The following BTBD9 variants were observed in gnomAD, a reference collection of about 807,000 sequenced individuals.
BTBD9 encodes BTB domain containing 9.
BTBD9 carries 49 observed loss-of-function variants against 64.3 expected under a neutral mutation model. The observed-to-expected ratio is 0.76, with a 90% CI of 0.61 to 0.97. The LOEUF (loss-of-function observed/expected upper bound fraction) is 0.97, where lower values mean the gene tolerates loss of function less well. BTBD9 is among the 50% of genes least tolerant of loss of function. The pLI is 0.00. For synonymous variants in BTBD9, 260 were observed against 274.7 expected, an observed-to-expected ratio of 0.95 and a Z score of 0.53; for missense variants, 598 against 762.1, an observed-to-expected ratio of 0.78 and a Z score of 2.53.
At chr6:38,515,000 C>T (rs1582558722) in intron 6 of BTBD9, among the ~76,000 whole-genome samples, 1 of 152,040 alleles carries the variant, frequency 6.6e-6, no homozygotes, top group African/African-American at 2.4e-5. Flanking sequence ...TTCAATTTTT[C>T]ATATAATTTT....
rs549923894 is a variant in BTBD9, at chr6:38,275,235, C to G, written c.1454+13037G>C. On this transcript the variant is annotated intron_variant, in intron 8 of 10. Coordinates refer to ENST00000481247, the MANE Select transcript of BTBD9 (RefSeq NM_001099272.2). ...TGATCTTTGACAAACCTGACAAAAA[C>G]AAGCAATGGGGAAAGGATTCCCTAT... 2.3e-4 allele frequency among the ~76,000 whole-genome samples: 35 copies of G among 151,962 alleles called. No individual in the cohort carries two copies. In the East Asian group the frequency reaches 6.4e-3, roughly 28 times the overall value.
At chr6:38,368,433 C>A (rs1422620646) in intron 6 of BTBD9, among the ~76,000 whole-genome samples, 1 of 152,076 alleles carries the variant, frequency 6.6e-6, no homozygotes, top group Non-Finnish European at 1.5e-5. Flanking sequence ...CTCACGGGTT[C>A]AAGCGATTCT....
chr6:38,408,700 G>C (rs931833833), intron 6 of BTBD9, among the ~76,000 whole-genome samples: 6 of 152,094 alleles, frequency 3.9e-5, no homozygotes, highest in Admixed American at 1.3e-4. Context: ...AACAAAAAAA[G>C]AATATATGCA....
chr6:38,580,461 A>G lies in BTBD9; in HGVS notation c.815-24T>C, dbSNP rs772292971. ...TACTACAGTTAAAAATAGAAAAAGCAAGGTTAATGATTACTTATTTATTCT... is the reference window on the plus strand; with the variant it reads ...TACTACAGTTAAAAATAGAAAAAGCGAGGTTAATGATTACTTATTTATTCT... On this transcript the variant is annotated intron_variant, in intron 4 of 10. Coordinates refer to ENST00000481247, the MANE Select transcript of BTBD9 (RefSeq NM_001099272.2). 1.7e-5 allele frequency: 27 copies of G among 1,570,410 alleles called. No individual in the cohort carries two copies. The Middle Eastern group carries it at 6.7e-4, about 39-fold the overall frequency.
rs150677135 is a variant in BTBD9 at position 38,382,794 on chromosome 6, C to T, written c.1155-37701G>A. 4.5e-4 allele frequency among the ~76,000 whole-genome samples: 69 copies of T among 152,048 alleles called. 1 individual carries two copies. Among genetic ancestry groups the T allele is most frequent in the Admixed American group, 2.1e-3 (32 of 15,266 alleles). On this transcript the variant is annotated intron_variant, in intron 6 of 10. Transcript: ENST00000481247. The stretch of plus-strand genomic sequence containing the variant: ...ATAAATAACTTTAAGTCAATAAATT[C>T]GAAACCTTAGTTGAAATGGACAAAT...
At chr6:38,269,863 T>C (rs1458745156) in intron 8 of BTBD9, among the ~76,000 whole-genome samples, 3 of 152,166 alleles carry the variant, frequency 2.0e-5, no homozygotes, top group African/African-American at 7.2e-5. Context: ...GGTGCCGACA[T>C]GAATATTCAC....
chr6:38,596,454 T>C (rs1320682888), intron 2 of BTBD9, among the ~76,000 whole-genome samples: 2 of 152,146 alleles, frequency 1.3e-5, no homozygotes, highest in African/African-American at 4.8e-5. Context: ...GAGGACAAGG[T>C]ACACTGTACT....
At chr6:38,187,882 C>T (rs1761885841) in intron 10 of BTBD9, among the ~76,000 whole-genome samples, 1 of 152,176 alleles carries the variant, frequency 6.6e-6, no homozygotes, top group Non-Finnish European at 1.5e-5. Context: ...GGATGGAATG[C>T]CGCAGGAAAT....
chr6:38,209,676 G>A (rs1227717056), intron 9 of BTBD9, among the ~76,000 whole-genome samples: 2 of 152,170 alleles, frequency 1.3e-5, no homozygotes, highest in South Asian at 2.1e-4. Context: ...TGGCCAAGGC[G>A]GGCCCCTTGC....
chr6:38,196,562 G>A (rs1762279747), intron 9 of BTBD9, among the ~76,000 whole-genome samples: 1 of 152,232 alleles, frequency 6.6e-6, no homozygotes, highest in Non-Finnish European at 1.5e-5. Context: ...CAGACAAGCA[G>A]CTGGGCTTTG....
At chr6:38,359,431 T>C (rs1415162529) in intron 6 of BTBD9, among the ~76,000 whole-genome samples, 8 of 152,242 alleles carry the variant, frequency 5.3e-5, no homozygotes, top group African/African-American at 1.9e-4. Context: ...TGTGTCATTC[T>C]GAGTTCTCCC....
At chr6:38,373,285 T>G (rs1014131762) in intron 6 of BTBD9, among the ~76,000 whole-genome samples, 5 of 152,256 alleles carry the variant, frequency 3.3e-5, no homozygotes, top group South Asian at 2.1e-4. Context: ...AGACTATTCA[T>G]GCCAGTCTGC....
At chr6:38,361,567 A>G (rs1284526110) in intron 6 of BTBD9, among the ~76,000 whole-genome samples, 1 of 148,262 alleles carries the variant, frequency 6.7e-6, no homozygotes, top group East Asian at 2.0e-4. Flanking sequence ...ACAGCTGGGC[A>G]TAGTGGCTCA....
chr6:38,460,018 A>T (rs554773287), intron 6 of BTBD9, among the ~76,000 whole-genome samples: 1 of 152,354 alleles, frequency 6.6e-6, no homozygotes, highest in South Asian at 2.1e-4. Flanking sequence ...TTATGATATA[A>T]ATTTCAATTA....
Position 38,598,068 on chromosome 6 carries a change from G to A in BTBD9, c.27C>T (p.Pro9=), listed in dbSNP as rs756514966. The A allele has an allele frequency of 8.7e-6, 14 of 1,613,602 alleles. No individual in the cohort carries two copies. The highest frequency in any genetic ancestry group is 1.2e-5 in the Non-Finnish European group (14 of 1,179,804). Reference sequence around the variant, plus strand: ...GATCAATTTCCCCCACTGCAGTAAAGGGGCGAAGAGGGTGGCTGTTACTCA... The same window carrying A: ...GATCAATTTCCCCCACTGCAGTAAAAGGGCGAAGAGGGTGGCTGTTACTCA... The part of the protein sequence containing the change: MSNSHPLR[P]FTAVGEIDHV... Residue 9 remains proline, a synonymous_variant, in exon 2 of 11, where the codon CCC becomes CCT. Coordinates refer to ENST00000481247, the MANE Select transcript of BTBD9 (RefSeq NM_001099272.2).
chr6:38,531,948 A>G (rs1014565360), intron 6 of BTBD9, among the ~76,000 whole-genome samples: 1 of 152,204 alleles, frequency 6.6e-6, no homozygotes, highest in African/African-American at 2.4e-5. Flanking sequence ...TTTAACAACT[A>G]TCTACACAGA....
Position 38,263,378 on chromosome 6 carries a change from G to GT in BTBD9, c.1455-6863dup, listed in dbSNP as rs959058196. Among the ~76,000 whole-genome samples the GT allele has an allele frequency of 7.9e-5, 12 of 152,144 alleles. 1 individual carries two copies. The highest frequency in any genetic ancestry group is 6.5e-5 in the Admixed American group (1 of 15,268). ...ATATTCTGTTATAGCATATGCAGAG[G>GT]TTTTTTTGGTATGTCTGTACATTAC... On this transcript the variant is annotated intron_variant, in intron 8 of 10. Coordinates refer to ENST00000481247, the MANE Select transcript of BTBD9 (RefSeq NM_001099272.2).
chr6:38,246,416 A>G (rs1764204191), intron 9 of BTBD9, among the ~76,000 whole-genome samples: 1 of 152,112 alleles, frequency 6.6e-6, no homozygotes. Context: ...TCTCATCATT[A>G]ACACAAGGAT....
intron 6 of BTBD9, among the ~76,000 whole-genome samples, chr6:38,511,617 C>T (rs770202215): frequency 1.2e-4 from 19 of 152,160 alleles, no homozygotes; most frequent in Non-Finnish European, 2.6e-4. Context: ...GTTGAGATTA[C>T]AGGCATGAGC....
Sources: allele counts gnomAD v4.1 joint callset (sites outside exome capture counted in the v4.1 genomes callset), GRCh38; gene constraint gnomAD v4.1.1; transcripts MANE v1.5; gene names NCBI Gene and HGNC (gene_info 2026-07-23, HGNC 2026-07-21).